The following NFAM1 variants were observed in gnomAD, a reference collection of about 807,000 sequenced individuals.
NFAM1 encodes the protein NFAT activating protein with ITAM motif 1.
NFAM1 carries 17 observed loss-of-function variants against 29.0 expected under a neutral mutation model. The observed-to-expected ratio is 0.59, with a 90% confidence interval of 0.40 to 0.88. The LOEUF (loss-of-function observed/expected upper bound fraction) is 0.88, where lower values mean the gene tolerates loss of function less well. NFAM1 is among the 40% of genes least tolerant of loss of function. The pLI, the probability that NFAM1 is intolerant of heterozygous loss-of-function variation, is 0.00. For missense variants in NFAM1, 324 were observed against 344.6 expected (o/e 0.94, Z 0.47); for synonymous variants, 175 against 147.2 (o/e 1.19, Z -1.36).
intron 4 of NFAM1, among the ~76,000 whole-genome samples, chr22:42,393,829 T>C (rs1329205657): frequency 1.3e-5 from 2 of 152,194 alleles, no homozygotes; most frequent in Admixed American, 6.5e-5. Context: ...TTTTTATTTT[T>C]ACCTAATTCC....
At chr22:42,418,235 C>T (rs1040658739) in intron 1 of NFAM1, among the ~76,000 whole-genome samples, 8 of 152,256 alleles carry the variant, frequency 5.3e-5, no homozygotes, top group African/African-American at 1.9e-4. Context: ...CTTTACTTCT[C>T]TGACCTCAGT....
At chr22:42,428,019 G>A (rs770624983) in intron 1 of NFAM1, among the ~76,000 whole-genome samples, 5 of 152,034 alleles carry the variant, frequency 3.3e-5, no homozygotes, top group Non-Finnish European at 7.3e-5. Flanking sequence ...GCAGCACTGC[G>A]GTTTTTGTGC....
chr22:42,411,029 T>C (rs1930069330), intron 2 of NFAM1, among the ~76,000 whole-genome samples: 1 of 147,888 alleles, frequency 6.8e-6, no homozygotes, highest in Non-Finnish European at 1.5e-5. Context: ...CTTTTTTTTT[T>C]TTTTTTTTTT....
chr22:42,387,106 G>C (rs1393888778), intron 4 of NFAM1, 28 bp from the exon 5 acceptor site: 9 of 1,389,470 alleles, frequency 6.5e-6, no homozygotes, highest in Non-Finnish European at 8.0e-6. Context: ...CCAGGATCAG[G>C]GGCAAGTGTG....
At chr22:42,414,575 TAA>T (rs930196967) in intron 1 of NFAM1, among the ~76,000 whole-genome samples, 4 of 151,550 alleles carry the variant, frequency 2.6e-5, no homozygotes, top group Non-Finnish European at 5.9e-5. Context: ...TTTTTTAAAT[TAA>T]AAAAATTTTT....
chr22:42,400,147 G>A (rs188302107), intron 3 of NFAM1, among the ~76,000 whole-genome samples: 71 of 152,354 alleles, frequency 4.7e-4, no homozygotes, highest in South Asian at 8.3e-4. Flanking sequence ...AGATATTGAC[G>A]AGACAGGAGC....
In NFAM1 at chr22:42,432,247, C is replaced by T; in HGVS notation, c.111G>A (p.Leu37=). The stretch of plus-strand genomic sequence containing the variant: ...GAAGACAGACACTACCTGCCAGTCG[C>T]AGGGTCCCGGGCAGCAGCAGCACGC... ...LLGVLLLPGT[L]RLAGGQSVTH... The change falls in exon 1 of 6, where the codon CTG becomes CTA. Residue 37 remains leucine (L), a synonymous_variant. Transcript: ENST00000329021. 6.4e-7 allele frequency: 1 copy of T among 1,573,118 alleles called. No homozygotes were observed. The highest frequency in any genetic ancestry group is 8.6e-7 in the Non-Finnish European group (1 of 1,158,776).
chr22:42,418,019 G>A (rs948871493), intron 1 of NFAM1, among the ~76,000 whole-genome samples: 16 of 152,248 alleles, frequency 1.1e-4, no homozygotes, highest in African/African-American at 3.6e-4. Flanking sequence ...ACAGGAGACT[G>A]TGTTTTGGGG....
chr22:42,384,844 G>A lies in NFAM1; in HGVS notation c.*317C>T, dbSNP rs963141456. The A allele has an allele frequency of 4.4e-6, 2 of 456,362 alleles. No homozygotes were observed. Among genetic ancestry groups the A allele is most frequent in the Admixed American group, 3.4e-5 (1 of 28,992 alleles). 28.3% of individuals were successfully genotyped at this position (456,362 alleles called of 1,614,324 possible). On this transcript the variant is annotated 3_prime_UTR_variant, in exon 6 of 6. Coordinates refer to ENST00000329021, the MANE Select transcript of NFAM1 (RefSeq NM_145912.8). ...CTCTGTCAGCATGAGGCAGTGAGCA[G>A]GGCTCTGGGCAAGGGTGGCATCCAG... is the stretch of plus-strand genomic sequence containing the variant.
rs1049230873 is a variant in NFAM1 at position 42,427,640 on chromosome 22, C to A, written c.121+4597G>T. On this transcript the variant is annotated intron_variant, in intron 1 of 5. Coordinates refer to ENST00000329021, the MANE Select transcript of NFAM1 (RefSeq NM_145912.8). The stretch of plus-strand genomic sequence containing the variant: ...TTTAGCCCACCGGCCGTGGTTTCAA[C>A]TCTTGCTCTATCTATAGCAACAAAA... 2.0e-5 allele frequency among the ~76,000 whole-genome samples: 3 copies of A among 152,222 alleles called. No homozygotes were observed. In the East Asian group the frequency reaches 5.8e-4, roughly 29 times the overall value.
Position 42,409,462 on chromosome 22 carries a change from C to T in NFAM1, c.537G>A (p.Val179=). 1 of 1,552,660 alleles carries T rather than the reference C, an allele frequency of 6.4e-7. No individual in the cohort carries two copies. The highest frequency in any genetic ancestry group is 8.7e-7 in the Non-Finnish European group (1 of 1,147,254). Residue 179 remains valine (V), a synonymous_variant, in exon 3 of 6, where the codon GTG becomes GTA. Transcript: ENST00000329021. The surrounding 1 kb of genome is among the most constrained non-coding windows in gnomAD (Gnocchi z 4.9). ...FTGLLSVLSV[V]GTALLLWNKK... ...TGTTCCAGAGCAGCAGGGCCGTGCC[C>T]ACTACACTCAGGACACTCAGGAGGC... is the stretch of plus-strand genomic sequence containing the variant.
chr22:42,418,356 G>A (rs560699535), intron 1 of NFAM1, among the ~76,000 whole-genome samples: 2 of 152,312 alleles, frequency 1.3e-5, no homozygotes, highest in Admixed American at 6.5e-5. Flanking sequence ...CCTTTCCCCA[G>A]GGACAAGAAT....
intron 3 of NFAM1, among the ~76,000 whole-genome samples, 185 bp from the exon 4 acceptor site, chr22:42,398,141 C>T (rs1186579663): frequency 2.6e-5 from 4 of 152,358 alleles, no homozygotes; most frequent in South Asian, 2.1e-4. Flanking sequence ...CAAGCCATTC[C>T]TGCACCTGGA....
chr22:42,437,581 C>A, the NFAM1 span, among the ~76,000 whole-genome samples: 16 of 152,158 alleles, frequency 1.1e-4, no homozygotes, highest in Admixed American at 3.9e-4. Flanking sequence ...GCCACCAAGT[C>A]CCCCACTAAC....
In NFAM1 at chr22:42,432,222, G is replaced by A; in HGVS notation, c.121+15C>T. 2 of 1,565,816 alleles carry A rather than the reference G, an allele frequency of 1.3e-6. No individual in the cohort carries two copies. Among genetic ancestry groups the A allele is most frequent in the Non-Finnish European group, 1.7e-6 (2 of 1,154,128 alleles). On this transcript the variant is annotated intron_variant, in intron 1 of 5. Coordinates refer to ENST00000329021, the MANE Select transcript of NFAM1 (RefSeq NM_145912.8). ...GGAGCGAGAGAGTAGAGAGAAGGAG[G>A]AAGACAGACACTACCTGCCAGTCGC...
intron 1 of NFAM1, among the ~76,000 whole-genome samples, chr22:42,426,631 C>T (rs995911578): frequency 6.6e-6 from 1 of 152,200 alleles, no homozygotes; most frequent in Non-Finnish European, 1.5e-5. Context: ...AGGGCTCTGG[C>T]CTGAGTGCAC....
intron 1 of NFAM1, among the ~76,000 whole-genome samples, chr22:42,414,739 C>T (rs1335481906): frequency 6.6e-6 from 1 of 151,986 alleles, no homozygotes; most frequent in Non-Finnish European, 1.5e-5. Context: ...CACCCGGGGC[C>T]TCCTGCTCCT....
Position 42,411,450 on chromosome 22 carries a change from T to C in NFAM1, c.408A>G (p.Pro136=). The change falls in exon 2 of 6, where the codon CCA becomes CCG. Residue 136 remains proline (P), a synonymous_variant. Transcript: ENST00000329021. ...TGCCGCTGCCTCTCACCGTGGAGTG[T>C]GGCCAGTGGACAGAGCAGTAGTAGG... ...TGTYYCSVHW[P]HSTVRGSGTF... 1.2e-6 allele frequency: 2 copies of C among 1,614,184 alleles called. No individual in the cohort carries two copies. The highest frequency in any genetic ancestry group is 1.6e-4 in the Middle Eastern group (1 of 6,062).
At position 42,382,888 on chromosome 22, in the gene NFAM1, AGAC is replaced by A. The variant is rs1929004311; in HGVS notation, c.*2270_*2272del. The A allele has an allele frequency of 6.5e-6, 1 of 152,968 alleles. No individual in the cohort carries two copies. Among genetic ancestry groups the A allele is most frequent in the East Asian group, 1.9e-4 (1 of 5,184 alleles). The allele number at this position is 152,968 out of a possible 1,614,324, so 9.5% of individuals were successfully genotyped here. ...CCCAGCCTTGCCCTGAACCAAGCACAGACGACCACCACGCTGGCAATGTCTCTG... is the reference window on the plus strand; with the variant it reads ...CCCAGCCTTGCCCTGAACCAAGCACAGACCACCACGCTGGCAATGTCTCTG... On this transcript the variant is annotated 3_prime_UTR_variant, in exon 6 of 6. Coordinates refer to ENST00000329021, the MANE Select transcript of NFAM1 (RefSeq NM_145912.8).
Sources: gnomAD v4.1 joint callset for allele counts (sites outside exome capture counted in the v4.1 genomes callset) on GRCh38, gnomAD v4.1.1 for gene constraint, Gnocchi (gnomAD v3.1) non-coding constraint, MANE v1.5 for transcripts, NCBI Gene and HGNC (gene_info 2026-07-23, HGNC 2026-07-21) for gene names.